The following ULK4 variants were observed in gnomAD, a reference collection of about 807,000 sequenced individuals.
The protein encoded by ULK4 is unc-51 like kinase 4, also known as inactive serine/threonine-protein kinase ULK4.
A neutral mutation model predicts 160.6 loss-of-function variants in ULK4; 133 were observed. That is an observed-to-expected ratio of 0.83 (90% CI 0.72 to 0.96). The LOEUF is 0.96. Ranked by LOEUF, ULK4 falls within the 40% of genes least tolerant of loss-of-function variation. The pLI is 0.00. For synonymous variants in ULK4, 534 were observed against 539.8 expected (o/e 0.99, Z 0.15); for missense variants, 1,580 against 1,499.5 (o/e 1.05, Z -0.89).
chr3:41,248,915 G>T (rs1010185532), intron 36 of ULK4, among the ~76,000 whole-genome samples: 2 of 152,216 alleles, frequency 1.3e-5, no homozygotes, highest in African/African-American at 4.8e-5. Context: ...TGACTGTACA[G>T]CCAAGGACTG....
intron 34 of ULK4, among the ~76,000 whole-genome samples, chr3:41,438,474 T>A (rs550942850): frequency 1.3e-5 from 2 of 152,154 alleles, no homozygotes; most frequent in South Asian, 4.1e-4. Flanking sequence ...GAAACTATAA[T>A]AATGGAAGCT....
intron 9 of ULK4, 27 bp from the exon 10 acceptor site, chr3:41,911,686 C>G: frequency 3.2e-6 from 5 of 1,552,506 alleles, no homozygotes; most frequent in South Asian, 1.1e-5. Context: ...CCAACACAAT[C>G]AAACTTACTT....
At chr3:41,612,641 C>T (rs534714781) in intron 31 of ULK4, among the ~76,000 whole-genome samples, 64 of 152,272 alleles carry the variant, frequency 4.2e-4, no homozygotes, top group African/African-American at 1.5e-3. Context: ...ACTTGGGGCT[C>T]GTGGTTTGCC....
intron 17 of ULK4, among the ~76,000 whole-genome samples, chr3:41,837,861 A>G (rs1475702855): frequency 6.6e-6 from 1 of 152,176 alleles, no homozygotes; most frequent in African/African-American, 2.4e-5. Context: ...GTGTCCAGCC[A>G]GTTCATTCCT....
intron 31 of ULK4, among the ~76,000 whole-genome samples, chr3:41,577,008 G>A (rs547777868): frequency 2.0e-5 from 3 of 152,352 alleles, no homozygotes; most frequent in African/African-American, 7.2e-5. Context: ...TTTTCAATTA[G>A]AGTCGTCTTT....
chr3:41,853,287 C>A (rs1044312279), intron 17 of ULK4, among the ~76,000 whole-genome samples: 3 of 152,148 alleles, frequency 2.0e-5, no homozygotes, highest in African/African-American at 7.2e-5. Context: ...AGAACTGCTA[C>A]TGTGGTACTC....
At chr3:41,601,765 C>T (rs564344546) in intron 31 of ULK4, among the ~76,000 whole-genome samples, 3 of 152,220 alleles carry the variant, frequency 2.0e-5, no homozygotes, top group African/African-American at 7.2e-5. Context: ...CAACTCAAAC[C>T]CACTAAGGTC....
chr3:41,659,453 C>T (rs1305086050), intron 30 of ULK4, among the ~76,000 whole-genome samples: 1 of 152,180 alleles, frequency 6.6e-6, no homozygotes, highest in East Asian at 1.9e-4. Context: ...GAAAAAGATA[C>T]ACACACATTC....
rs974866912 is a variant in ULK4, at chr3:41,574,833, A to G, written c.3121-8703T>C. Among the ~76,000 whole-genome samples, 5 of 152,254 alleles carry G rather than the reference A, an allele frequency of 3.3e-5. No homozygotes were observed. The South Asian group carries it at 6.2e-4, about 19-fold the overall frequency. ...AGTGCTGGGATTACAGGCGTGAGCCACTGCGCCAGGCCCCAGACTCCTCTT... is the reference window on the plus strand; with the variant it reads ...AGTGCTGGGATTACAGGCGTGAGCCGCTGCGCCAGGCCCCAGACTCCTCTT... On this transcript the variant is annotated intron_variant, in intron 31 of 36. Coordinates refer to ENST00000301831, the MANE Select transcript of ULK4 (RefSeq NM_017886.4).
At chr3:41,926,922 C>A (rs1445052935) in intron 5 of ULK4, among the ~76,000 whole-genome samples, 1 of 152,188 alleles carries the variant, frequency 6.6e-6, no homozygotes, top group African/African-American at 2.4e-5. Flanking sequence ...GGAAAACACA[C>A]TTCAGGATAT....
chr3:41,547,133 A>C (rs2086891337), intron 32 of ULK4, among the ~76,000 whole-genome samples: 1 of 152,204 alleles, frequency 6.6e-6, no homozygotes, highest in African/African-American at 2.4e-5. Flanking sequence ...ATTATAAATC[A>C]TGAAAATTGA....
intron 32 of ULK4, among the ~76,000 whole-genome samples, chr3:41,521,888 T>C (rs943793157): frequency 1.3e-5 from 2 of 152,190 alleles, no homozygotes; most frequent in Non-Finnish European, 2.9e-5. Flanking sequence ...TGCCTTGCCA[T>C]GTTACTTTCT....
intron 35 of ULK4, among the ~76,000 whole-genome samples, chr3:41,287,795 C>T (rs770402314): frequency 3.9e-5 from 6 of 152,164 alleles, no homozygotes; most frequent in African/African-American, 9.7e-5. Context: ...AACACAGGAA[C>T]GAGAGTCACC....
intron 17 of ULK4, 69 bp downstream of exon 17, chr3:41,883,805 G>A (rs1697611413): frequency 3.7e-6 from 5 of 1,344,730 alleles, no homozygotes; most frequent in East Asian, 4.6e-5. Flanking sequence ...AAAGCTGCAG[G>A]TTCTAAATTA....
intron 34 of ULK4, among the ~76,000 whole-genome samples, chr3:41,417,118 G>C (rs763834306): frequency 6.6e-6 from 1 of 152,298 alleles, no homozygotes; most frequent in African/African-American, 2.4e-5. Flanking sequence ...CTCTACGCAC[G>C]TGAGAGACAG....
chr3:41,897,079 C>A, intron 14 of ULK4, 76 bp from the exon 15 acceptor site: 2 of 1,323,772 alleles, frequency 1.5e-6, no homozygotes, highest in South Asian at 2.8e-5. Flanking sequence ...AAGAAATAAA[C>A]ACAGAATTAC....
chr3:41,514,091 T>A (rs1179645866), intron 32 of ULK4, among the ~76,000 whole-genome samples: 1 of 152,202 alleles, frequency 6.6e-6, no homozygotes, highest in African/African-American at 2.4e-5. Context: ...CTGAACTAGA[T>A]ACCTAATAAA....
At chr3:41,702,097 A>G (rs1259299951) in intron 27 of ULK4, among the ~76,000 whole-genome samples, 2 of 152,210 alleles carry the variant, frequency 1.3e-5, no homozygotes, top group African/African-American at 4.8e-5. Context: ...TGCTATAGTT[A>G]GAAGTAAAAA....
intron 17 of ULK4, chr3:41,859,583 C>G: frequency 3.8e-6 from 2 of 530,256 alleles, no homozygotes; most frequent in Non-Finnish European, 7.6e-6. Flanking sequence ...ACCATGAGGC[C>G]ATAATATGCA....
Sources: gnomAD v4.1 joint callset for allele counts (sites outside exome capture counted in the v4.1 genomes callset) on GRCh38, gnomAD v4.1.1 for gene constraint, MANE v1.5 for transcripts, NCBI Gene and HGNC (gene_info 2026-07-23, HGNC 2026-07-21) for gene names.